LMOD2: variants seen among roughly 807,000 people sequenced by gnomAD.
The protein encoded by LMOD2 is leiomodin 2.
A neutral mutation model predicts 41.7 loss-of-function variants in LMOD2; 27 were observed. The observed-to-expected ratio is 0.65, with a 90% CI of 0.48 to 0.89. The LOEUF (loss-of-function observed/expected upper bound fraction) is 0.89. Ranked by LOEUF, LMOD2 falls within the 40% of genes least tolerant of loss-of-function variation. The probability of loss-of-function intolerance (pLI) is 0.00; values close to 1 mark genes in which losing one functional copy is unlikely to be tolerated. For missense variants in LMOD2, 624 were observed against 667.9 expected (o/e 0.93, Z 0.72); for synonymous variants, 251 against 244.6 (o/e 1.03, Z -0.25).
Position 123,656,015 on chromosome 7 carries a change from G to T in LMOD2, c.52G>T (p.Glu18Ter). 6.2e-7 allele frequency: 1 copy of T among 1,610,026 alleles called. No individual in the cohort carries two copies. The highest frequency in any genetic ancestry group is 8.5e-7 in the Non-Finnish European group (1 of 1,178,304). ...ACTCAGTAAATACGAATCCATCGAC[G>T]AGGATGAACTCCTCGCCTCCCTGTC... The part of the protein sequence containing the change: ...RGLSKYESID[E>*]DELLASLSAE... Residue 18 changes from glutamate (E) to a stop codon, truncating the protein, a stop_gained, in exon 1 of 3, where the codon GAG (glutamate) becomes TAG (stop). Coordinates refer to ENST00000458573, the MANE Select transcript of LMOD2 (RefSeq NM_207163.3). LOFTEE classifies it high-confidence loss of function.
intron 1 of LMOD2, 43 bp downstream of exon 1, chr7:123,656,279 T>C: frequency 1.3e-6 from 2 of 1,553,280 alleles, no homozygotes; most frequent in Non-Finnish European, 1.7e-6. Context: ...CACCTCCCCA[T>C]CACCCCATCC....
chr7:123,664,037 T>G lies in LMOD2; in HGVS notation c.*292T>G. On this transcript the variant is annotated 3_prime_UTR_variant, in exon 3 of 3. Coordinates refer to ENST00000458573, the MANE Select transcript of LMOD2 (RefSeq NM_207163.3). ...GTAACTCCGAGTTGTAATGAGTTCA[T>G]GAAATGTGCTGTTATTTTTGTAATC... The G allele has an allele frequency of 2.9e-6, 1 of 340,450 alleles. No homozygotes were observed. The highest frequency in any genetic ancestry group is 5.3e-6 in the Non-Finnish European group (1 of 189,244). The allele number at this position is 340,450 out of a possible 1,614,324, so 21.1% of individuals were successfully genotyped here.
At chr7:123,660,101 G>T (rs1012759058) in intron 1 of LMOD2, among the ~76,000 whole-genome samples, 5 of 152,052 alleles carry the variant, frequency 3.3e-5, no homozygotes, top group Non-Finnish European at 7.4e-5. Context: ...GAGTGGAATG[G>T]GGTGAGGAGA....
Position 123,662,303 on chromosome 7 carries a change from C to A in LMOD2, c.717C>A (p.Asn239Lys). 1 of 1,614,038 alleles carries A rather than the reference C, an allele frequency of 6.2e-7. No individual in the cohort carries two copies. The highest frequency in any genetic ancestry group is 8.5e-7 in the Non-Finnish European group (1 of 1,179,894). Residue 239 changes from asparagine (N) to lysine (K), a missense_variant, in exon 2 of 3, where the codon AAC becomes AAA. Transcript: ENST00000458573. The surrounding 1 kb of genome is among the most constrained non-coding windows in gnomAD (Gnocchi z 4.0). ...LTRFAEALKD[N>K]TVVKTFSLAN... The stretch of plus-strand genomic sequence containing the variant: ...GCTTTGCTGAAGCCCTCAAGGACAA[C>A]ACTGTGGTGAAGACGTTCAGTCTGG...
At chr7:123,663,690 C>T (rs1364434315) in intron 2 of LMOD2, 29 bp from the exon 3 acceptor site, 1 of 1,564,192 alleles carries the variant, frequency 6.4e-7, no homozygotes, top group Admixed American at 1.9e-5. Flanking sequence ...TGTGTTGTTT[C>T]ATTGAGAGAA....
Position 123,662,758 on chromosome 7 carries a change from T to C in LMOD2, c.1172T>C (p.Val391Ala). 2 of 1,613,922 alleles carry C rather than the reference T, an allele frequency of 1.2e-6. No homozygotes were observed. The highest frequency in any genetic ancestry group is 1.1e-5 in the South Asian group (1 of 91,072). ...GGAACACCTAGCTCTTCACCTTATG[T>C]ATCTCCCAGGCACTCACCCTGGTCA... ...QRGTPSSSPY[V>A]SPRHSPWSSP... Residue 391 changes from valine (V) to alanine (A), a missense_variant, in exon 2 of 3, where the codon GTA becomes GCA. Physicochemically the swap from Val to Ala is moderately conservative, Grantham distance 64 (BLOSUM62 0). Transcript: ENST00000458573. This position sits in a 1 kb window ranked among gnomAD's most constrained non-coding sequence, Gnocchi z 4.0.
chr7:123,660,280 C>T (rs1002936630), intron 1 of LMOD2, among the ~76,000 whole-genome samples: 4 of 145,634 alleles, frequency 2.7e-5, no homozygotes, highest in Non-Finnish European at 4.6e-5. Flanking sequence ...AAACATTTCT[C>T]TCTCTTTCTC....
chr7:123,659,252 C>A (rs1261248753), intron 1 of LMOD2, among the ~76,000 whole-genome samples: 1 of 152,202 alleles, frequency 6.6e-6, no homozygotes, highest in Non-Finnish European at 1.5e-5. Context: ...TTATTCTATA[C>A]CCTCCTTCCC....
At chr7:123,661,801 A>C in intron 1 of LMOD2, 59 bp from the exon 2 acceptor site, 1 of 1,180,894 alleles carries the variant, frequency 8.5e-7, no homozygotes, top group Non-Finnish European at 1.2e-6. Flanking sequence ...CAAGTTAAAA[A>C]ATGTACTTAA....
At chr7:123,657,353 G>C (rs1802804194) in intron 1 of LMOD2, among the ~76,000 whole-genome samples, 1 of 152,196 alleles carries the variant, frequency 6.6e-6, no homozygotes, top group Non-Finnish European at 1.5e-5. Context: ...CCAATGGCAA[G>C]ACTTCCACAG....
chr7:123,656,227 A>G lies in LMOD2; in HGVS notation c.264A>G (p.Glu88=). 1.9e-6 allele frequency: 3 copies of G among 1,606,462 alleles called. No homozygotes were observed. The highest frequency in any genetic ancestry group is 2.5e-6 in the Non-Finnish European group (3 of 1,176,786). Residue 88 remains glutamate (E), a synonymous_variant, in exon 1 of 3, where the codon GAA becomes GAG. Transcript: ENST00000458573. ...TCTTGGAGAAGGAGAGGCTGGGGGA[A>G]TGTGGAAAGGTAGGCTCTCGGGACT... is the stretch of plus-strand genomic sequence containing the variant. ...QKLLEKERLG[E]CGKVAEDKEE...
intron 1 of LMOD2, among the ~76,000 whole-genome samples, chr7:123,658,100 G>A (rs1178214349): frequency 6.6e-6 from 1 of 151,688 alleles, no homozygotes; most frequent in African/African-American, 2.4e-5. Flanking sequence ...TGACATGATA[G>A]TGGTGGGAAC....
chr7:123,659,228 C>A, intron 1 of LMOD2, among the ~76,000 whole-genome samples: 1 of 152,164 alleles, frequency 6.6e-6, no homozygotes, highest in East Asian at 1.9e-4. Context: ...CTTGCCATCT[C>A]ATCTCCCACC....
chr7:123,661,624 A>G (rs1214411092), intron 1 of LMOD2, among the ~76,000 whole-genome samples: 1 of 152,226 alleles, frequency 6.6e-6, no homozygotes, highest in Non-Finnish European at 1.5e-5. Context: ...CAATAAGTTG[A>G]ATTCTGGATA....
chr7:123,662,871 C>T lies in LMOD2; in HGVS notation c.1285C>T (p.Pro429Ser), dbSNP rs1303514157. ...ATPPPPPPPP[P>S]PPPPSSQRLP... ...ACCTCCTCCTCCTCCCCCTCCTCCTCCTCCTCCCCCTCCTTCTTCCCAAAG... is the reference window on the plus strand; with the variant it reads ...ACCTCCTCCTCCTCCCCCTCCTCCTTCTCCTCCCCCTCCTTCTTCCCAAAG... The change falls in exon 2 of 3, where the codon CCT becomes TCT. Residue 429 changes from proline to serine, a missense_variant. Pro to Ser is a moderately conservative substitution (Grantham distance 74). Coordinates refer to ENST00000458573, the MANE Select transcript of LMOD2 (RefSeq NM_207163.3). This position sits in a 1 kb window ranked among gnomAD's most constrained non-coding sequence, Gnocchi z 4.0. 1.4e-6 allele frequency: 2 copies of T among 1,475,868 alleles called. No individual in the cohort carries two copies. The highest frequency in any genetic ancestry group is 1.4e-5 in the African/African-American group (1 of 70,402). The allele number at this position is 1,475,868 out of a possible 1,614,324, so 91.4% of individuals were successfully genotyped here. A position where few individuals can be genotyped will look rare whatever the true frequency, so the allele number is the denominator to read the frequency against.
Position 123,662,395 on chromosome 7 carries a change from T to C in LMOD2, c.809T>C (p.Ile270Thr), listed in dbSNP as rs765163778. The change falls in exon 2 of 3, where the codon ATC becomes ACC. Residue 270 changes from isoleucine (I) to threonine (T), a missense_variant. Physicochemically the swap from Ile to Thr is moderately conservative, Grantham distance 89. Coordinates refer to ENST00000458573, the MANE Select transcript of LMOD2 (RefSeq NM_207163.3). This position sits in a 1 kb window ranked among gnomAD's most constrained non-coding sequence, Gnocchi z 4.0. ...GAGATGCTCAAAGTCAATGAGCACA[T>C]CACCAACGTAAACGTCGAGTCCAAC... ...IAEMLKVNEH[I>T]TNVNVESNFI... 1 of 1,613,908 alleles carries C rather than the reference T, an allele frequency of 6.2e-7. No individual in the cohort carries two copies. Among genetic ancestry groups the C allele is most frequent in the African/African-American group, 1.3e-5 (1 of 75,022 alleles).
chr7:123,657,991 T>TTA lies in LMOD2; in HGVS notation c.273+1755_273+1756insTA, dbSNP rs759501477. ...GCCACAAACCAAAACCTTGTCTCAT[T>TTA]AAAAAAAAAAAAAAAAAAAAAGAAT... On this transcript the variant is annotated intron_variant, in intron 1 of 2. Transcript: ENST00000458573. Among the ~76,000 whole-genome samples the TTA allele has an allele frequency of 8.2e-4, 74 of 90,578 alleles. 1 individual carries two copies. Among genetic ancestry groups the TTA allele is most frequent in the Non-Finnish European group, 1.1e-3 (54 of 48,932 alleles). The allele number at this position is 90,578 out of a possible 152,430, so 59.4% of individuals were successfully genotyped here. A position where few individuals can be genotyped will look rare whatever the true frequency, so the allele number is the denominator to read the frequency against.
At position 123,655,970 on chromosome 7, in the gene LMOD2, A is replaced by G. The variant is rs1289012230; in HGVS notation, c.7A>G (p.Thr3Ala). 2 of 1,604,230 alleles carry G rather than the reference A, an allele frequency of 1.2e-6. No homozygotes were observed. Among genetic ancestry groups the G allele is most frequent in the African/African-American group, 2.7e-5 (2 of 74,794 alleles). Reference protein sequence around the residue: MSTFGYRRGLSKY... With the variant: MSAFGYRRGLSKY... ...GTCTGACAAAGCAGGGACCATGTCTACCTTTGGCTACCGAAGAGGACTCAG... is the reference window on the plus strand; with the variant it reads ...GTCTGACAAAGCAGGGACCATGTCTGCCTTTGGCTACCGAAGAGGACTCAG... The change falls in exon 1 of 3, where the codon ACC becomes GCC. Residue 3 changes from threonine to alanine, a missense_variant. Thr to Ala is a moderately conservative substitution (Grantham distance 58). Transcript: ENST00000458573.
chr7:123,661,952 G>A lies in LMOD2; in HGVS notation c.366G>A (p.Glu122=). The A allele has an allele frequency of 6.4e-7, 1 of 1,556,572 alleles. No homozygotes were observed. The highest frequency in any genetic ancestry group is 1.2e-5 in the South Asian group (1 of 84,356). Residue 122 remains glutamate, a synonymous_variant, in exon 2 of 3, where the codon GAG becomes GAA. Coordinates refer to ENST00000458573, the MANE Select transcript of LMOD2 (RefSeq NM_207163.3). ...AGGAAGTGTATACAGAGGAGGAGGAGGAGGAGTCCCAGGAGGAAGAGGAGG... is the reference window on the plus strand; with the variant it reads ...AGGAAGTGTATACAGAGGAGGAGGAAGAGGAGTCCCAGGAGGAAGAGGAGG... ...VSEEVYTEEE[E]EESQEEEEEE...
Sources: gnomAD v4.1 joint callset for allele counts (sites outside exome capture counted in the v4.1 genomes callset) on GRCh38, gnomAD v4.1.1 for gene constraint, Gnocchi (gnomAD v3.1) non-coding constraint, MANE v1.5 for transcripts, NCBI Gene and HGNC (gene_info 2026-07-23, HGNC 2026-07-21) for gene names.